Variants in IRAG1 observed in about 807,000 individuals in gnomAD.
IRAG1 encodes IP3R-associated cGMP kinase substrate.
Under a neutral mutation model 106.2 loss-of-function variants are expected in IRAG1, and 62 were observed. The observed-to-expected ratio is 0.58, with a 90% confidence interval of 0.48 to 0.72. The LOEUF (loss-of-function observed/expected upper bound fraction) is 0.72. Ranked by LOEUF, IRAG1 falls within the 30% of genes least tolerant of loss-of-function variation. The pLI, the probability that IRAG1 is intolerant of heterozygous loss-of-function variation, is 0.00. For missense variants in IRAG1, 1,064 were observed against 1,140.7 expected (o/e 0.93, Z 0.97); for synonymous variants, 462 against 443.9 (o/e 1.04, Z -0.51).
rs114120011 is a variant in IRAG1, at chr11:10,670,054, A to G, written c.68-17872T>C. Among the ~76,000 whole-genome samples, 452 of 152,348 alleles carry G rather than the reference A, an allele frequency of 3.0e-3. 3 individuals are homozygous for G. The highest frequency in any genetic ancestry group is 0.01 in the African/African-American group (418 of 41,572). On this transcript the variant is annotated intron_variant, in intron 1 of 20. Coordinates refer to ENST00000423302, the MANE Select transcript of IRAG1 (RefSeq NM_130385.4). ...ATGGGAATCTTGCTTTTCAGTTCCTACTGACATAACCAATTGAGATCAGCA... is the reference window on the plus strand; with the variant it reads ...ATGGGAATCTTGCTTTTCAGTTCCTGCTGACATAACCAATTGAGATCAGCA...
rs1850682503 is a variant in IRAG1, at chr11:10,573,435, TCCAGGGC to T, written c.*2890_*2896del. ...TTCAGATCCACATCCTCACTGAAAA[TCCAGGGC>T]CTGTTTCTCTCCAGTTCACTACCGC... On this transcript the variant is annotated 3_prime_UTR_variant, in exon 21 of 21. Coordinates refer to ENST00000423302, the MANE Select transcript of IRAG1 (RefSeq NM_130385.4). 1 of 152,258 alleles carries T rather than the reference TCCAGGGC, an allele frequency of 6.6e-6. No homozygotes were observed. The highest frequency in any genetic ancestry group is 1.9e-4 in the East Asian group (1 of 5,190). The allele number at this position is 152,258 out of a possible 1,614,324, so 9.4% of individuals were successfully genotyped here.
chr11:10,639,030 A>C (rs1056921300), intron 2 of IRAG1, among the ~76,000 whole-genome samples: 1 of 152,040 alleles, frequency 6.6e-6, no homozygotes, highest in Non-Finnish European at 1.5e-5. Context: ...AGCAATTCTC[A>C]TGCCTCAGCC....
rs184118943 is a variant in IRAG1, at chr11:10,680,187, C to T, written c.67+13349G>A. Among the ~76,000 whole-genome samples, 1,466 of 150,924 alleles carry T rather than the reference C, an allele frequency of 9.7e-3. 24 individuals carry two copies. The highest frequency in any genetic ancestry group is 0.034 in the African/African-American group (1,392 of 40,946). On this transcript the variant is annotated intron_variant, in intron 1 of 20. Coordinates refer to ENST00000423302, the MANE Select transcript of IRAG1 (RefSeq NM_130385.4). ...ACTTGGGAGGCTGAAGTAGGAGAATCGCTTGAACCCAGGAGGTGGAGGTTG... is the reference window on the plus strand; with the variant it reads ...ACTTGGGAGGCTGAAGTAGGAGAATTGCTTGAACCCAGGAGGTGGAGGTTG...
At chr11:10,692,143 A>G (rs1377344212) in intron 1 of IRAG1, among the ~76,000 whole-genome samples, 1 of 152,176 alleles carries the variant, frequency 6.6e-6, no homozygotes, top group Non-Finnish European at 1.5e-5. Context: ...CTCCAAGCAT[A>G]AAGATAGGTG....
chr11:10,627,931 C>A, intron 7 of IRAG1, 42 bp downstream of exon 7: 4 of 1,585,070 alleles, frequency 2.5e-6, no homozygotes, highest in Admixed American at 1.7e-5. Context: ...GGGAGAGACC[C>A]ATTGGCATAG....
chr11:10,662,370 C>T (rs10840461), intron 1 of IRAG1, among the ~76,000 whole-genome samples: 39,395 of 152,094 alleles, frequency 0.26, 6,239 homozygotes, highest in East Asian at 0.81. Context: ...ATGATGTACC[C>T]GGGTTTCATG....
chr11:10,637,001 A>G (rs910872095), intron 2 of IRAG1, among the ~76,000 whole-genome samples: 1 of 152,234 alleles, frequency 6.6e-6, no homozygotes, highest in Non-Finnish European at 1.5e-5. Flanking sequence ...CAGCTTCTGA[A>G]GGACCTCGAA....
At chr11:10,629,989 C>T in intron 4 of IRAG1, 1 of 393,208 alleles carries the variant, frequency 2.5e-6, no homozygotes, top group Non-Finnish European at 4.6e-6. Context: ...GAAGGGAAGG[C>T]CACCCAGGAG....
At chr11:10,689,242 G>A (rs944932644) in intron 1 of IRAG1, among the ~76,000 whole-genome samples, 2 of 152,072 alleles carry the variant, frequency 1.3e-5, no homozygotes, top group Non-Finnish European at 2.9e-5. Flanking sequence ...AGGCATATGA[G>A]GCTTAAATGA....
At chr11:10,612,008 G>T (rs1855003880) in intron 10 of IRAG1, among the ~76,000 whole-genome samples, 2 of 152,180 alleles carry the variant, frequency 1.3e-5, no homozygotes, top group Admixed American at 6.5e-5. Context: ...TTTCTTGAAT[G>T]ATATGAAGGG....
chr11:10,618,346 G>A (rs1371095386), intron 10 of IRAG1, among the ~76,000 whole-genome samples: 2 of 152,078 alleles, frequency 1.3e-5, no homozygotes, highest in African/African-American at 2.4e-5. Flanking sequence ...ACAATTTATC[G>A]TAGTGACTTT....
intron 12 of IRAG1, among the ~76,000 whole-genome samples, chr11:10,604,875 C>G (rs1171319182): frequency 6.6e-6 from 1 of 152,202 alleles, no homozygotes; most frequent in Non-Finnish European, 1.5e-5. Flanking sequence ...CAGGCCAGTA[C>G]AGCTAATTGT....
intron 15 of IRAG1, chr11:10,599,564 G>C (rs950129946): frequency 6.6e-6 from 1 of 152,114 alleles, no homozygotes; most frequent in Non-Finnish European, 1.5e-5. Context: ...TTGGACTCTG[G>C]GACATGTCAC....
chr11:10,616,415 A>T (rs760295329), intron 10 of IRAG1, among the ~76,000 whole-genome samples: 2 of 152,180 alleles, frequency 1.3e-5, no homozygotes, highest in Non-Finnish European at 2.9e-5. Flanking sequence ...GGGGACAGAG[A>T]TGTAATGAGA....
At position 10,592,044 on chromosome 11, in the gene IRAG1, G is replaced by C. The variant is rs915856222; in HGVS notation, c.2176-432C>G. 4.6e-5 allele frequency among the ~76,000 whole-genome samples: 7 copies of C among 152,144 alleles called. No homozygotes were observed. In the South Asian group the frequency reaches 1.5e-3, roughly 32 times the overall value. On this transcript the variant is annotated intron_variant, in intron 17 of 20. Transcript: ENST00000423302. ...ACATAGCTCCAGGTACAATTCTCAG[G>C]AGATGCAAATCACTACTGAAAGCTC...
intron 4 of IRAG1, among the ~76,000 whole-genome samples, chr11:10,630,428 G>A (rs1219943334): frequency 2.6e-5 from 4 of 151,102 alleles, no homozygotes; most frequent in Non-Finnish European, 5.9e-5. Flanking sequence ...CTGGAGTGCA[G>A]TGGCACAATC....
chr11:10,630,152 C>T (rs1479341381), intron 4 of IRAG1: 2 of 155,582 alleles, frequency 1.3e-5, no homozygotes, highest in African/African-American at 4.8e-5. Context: ...CCTCCAGTCA[C>T]ATTGTTCACC....
In IRAG1 at chr11:10,625,991, A is replaced by C. The variant is rs745583695; in HGVS notation, c.1343T>G (p.Met448Arg). 57 of 1,490,794 alleles carry C rather than the reference A, an allele frequency of 3.8e-5. No homozygotes were observed. Among genetic ancestry groups the C allele is most frequent in the Non-Finnish European group, 4.8e-5 (54 of 1,120,262 alleles). 92.3% of individuals were successfully genotyped at this position (1,490,794 alleles called of 1,614,324 possible). A position where few individuals can be genotyped will look rare whatever the true frequency, so the allele number is the denominator to read the frequency against. Residue 448 changes from methionine (M) to arginine (R), a missense_variant, in exon 9 of 21, where the codon ATG becomes AGG. By Grantham distance (91) the Met-to-Arg change is moderately conservative (BLOSUM62 -1). Coordinates refer to ENST00000423302, the MANE Select transcript of IRAG1 (RefSeq NM_130385.4). ...DFQIQVQPVR[M>R]QKLTKLREEH... ...CTCTCGGAGCTTGGTCAGTTTCTGC[A>C]TCCGCACGGGCTGCACTTGTATCTG...
chr11:10,636,927 A>T (rs73413826), intron 2 of IRAG1, among the ~76,000 whole-genome samples: 2,751 of 152,298 alleles, frequency 0.018, 88 homozygotes, highest in African/African-American at 0.064. Context: ...TGCATGGACT[A>T]TGACATGTGA....
Sources: allele counts gnomAD v4.1 joint callset (sites outside exome capture counted in the v4.1 genomes callset), GRCh38; gene constraint gnomAD v4.1.1; transcripts MANE v1.5; gene names NCBI Gene and HGNC (gene_info 2026-07-23, HGNC 2026-07-21).